Variants in CSMD3 observed in about 807,000 individuals in gnomAD.
The protein encoded by CSMD3 is CUB and Sushi multiple domains 3.
Under a neutral mutation model 435.2 loss-of-function variants are expected in CSMD3, and 177 were observed. The observed-to-expected ratio is 0.41, with a 90% CI of 0.36 to 0.46. The LOEUF (loss-of-function observed/expected upper bound fraction) is 0.46. Among genes scored for constraint, CSMD3 ranks in the 20% least tolerant of loss-of-function variants. The pLI is 0.34. For missense variants in CSMD3, 4,265 were observed against 4,504.6 expected, an observed-to-expected ratio of 0.95 and a Z score of 1.52; for synonymous variants, 1,656 against 1,520.5, an observed-to-expected ratio of 1.09 and a Z score of -2.07.
chr8:112,437,183 A>T (rs1814452475), intron 32 of CSMD3, among the ~76,000 whole-genome samples: 1 of 152,078 alleles, frequency 6.6e-6, no homozygotes, highest in Admixed American at 6.6e-5. Flanking sequence ...TAAAATCAAC[A>T]GTTGAAAGCA....
At chr8:113,271,187 G>T (rs187761906) in intron 3 of CSMD3, among the ~76,000 whole-genome samples, 20 of 152,178 alleles carry the variant, frequency 1.3e-4, no homozygotes, top group Admixed American at 1.3e-3. Context: ...GCCTGATGAC[G>T]CAGTAGAAAA....
chr8:113,232,476 G>A (rs1035548525), intron 3 of CSMD3, among the ~76,000 whole-genome samples: 7 of 151,520 alleles, frequency 4.6e-5, no homozygotes, highest in African/African-American at 1.7e-4. Context: ...AATTCTAAGG[G>A]GAAGCCTAAT....
chr8:112,377,139 G>A (rs780308321), intron 38 of CSMD3, among the ~76,000 whole-genome samples: 7 of 151,330 alleles, frequency 4.6e-5, no homozygotes, highest in Non-Finnish European at 7.4e-5. Context: ...TTGCTTTTTC[G>A]CAATTTAAAA....
At chr8:112,441,109 A>G (rs1290050325) in intron 32 of CSMD3, among the ~76,000 whole-genome samples, 1 of 152,150 alleles carries the variant, frequency 6.6e-6, no homozygotes, top group Non-Finnish European at 1.5e-5. Context: ...TTCCCCTTGA[A>G]TGCTTTGCTG....
chr8:113,414,652 A>AG (rs2094574120), intron 1 of CSMD3, among the ~76,000 whole-genome samples: 1 of 47,282 alleles, frequency 2.1e-5, no homozygotes, highest in Non-Finnish European at 4.3e-5. Context: ...GCCCAAATAC[A>AG]AAAAAAAAAA....
intron 9 of CSMD3, among the ~76,000 whole-genome samples, chr8:112,940,717 A>C (rs1261594011): frequency 6.6e-6 from 1 of 151,822 alleles, no homozygotes; most frequent in East Asian, 1.9e-4. Context: ...ATAACAAGTA[A>C]GATACCTTAC....
chr8:112,998,527 C>T (rs1240479447), intron 6 of CSMD3, among the ~76,000 whole-genome samples: 1 of 151,920 alleles, frequency 6.6e-6, no homozygotes, highest in Non-Finnish European at 1.5e-5. Flanking sequence ...CTTCTCTTCC[C>T]TCTTCACTAA....
At chr8:112,495,997 A>T (rs1821295174) in intron 30 of CSMD3, among the ~76,000 whole-genome samples, 1 of 151,630 alleles carries the variant, frequency 6.6e-6, no homozygotes, top group Middle Eastern at 3.5e-3. Flanking sequence ...TTACGTCTTA[A>T]TTTTTTTTGT....
At chr8:112,297,088 C>A (rs1820366333) in intron 53 of CSMD3, among the ~76,000 whole-genome samples, 2 of 149,234 alleles carry the variant, frequency 1.3e-5, no homozygotes, top group African/African-American at 4.9e-5. Flanking sequence ...TATGTGAATT[C>A]TTAAACAAAA....
intron 32 of CSMD3, among the ~76,000 whole-genome samples, chr8:112,424,881 G>A (rs940162288): frequency 2.0e-5 from 3 of 152,050 alleles, no homozygotes; most frequent in African/African-American, 7.2e-5. Context: ...CAGTAGAGAC[G>A]GGGTTTCACC....
In CSMD3 at chr8:113,058,548, C is replaced by G. The variant is rs192944727; in HGVS notation, c.918-39369G>C. Among the ~76,000 whole-genome samples the G allele has an allele frequency of 4.0e-5, 6 of 151,710 alleles. No homozygotes were observed. In the East Asian group the frequency reaches 5.8e-4, roughly 15 times the overall value. ...TATTGATACATGACATGGAATAAGT[C>G]AATTTATTCATTAGCATTCCAATTT... On this transcript the variant is annotated intron_variant, in intron 5 of 70. Coordinates refer to ENST00000297405, the MANE Select transcript of CSMD3 (RefSeq NM_198123.2).
At chr8:112,385,595 G>C (rs1040360717) in intron 36 of CSMD3, among the ~76,000 whole-genome samples, 1 of 152,148 alleles carries the variant, frequency 6.6e-6, no homozygotes, top group Non-Finnish European at 1.5e-5. Flanking sequence ...ATTTCAATAT[G>C]TATTGCAGTA....
At chr8:112,673,319 A>C (rs920296979) in intron 16 of CSMD3, among the ~76,000 whole-genome samples, 3 of 152,054 alleles carry the variant, frequency 2.0e-5, no homozygotes, top group African/African-American at 7.2e-5. Flanking sequence ...GAAAGACAGA[A>C]ACATGGTAAT....
At chr8:112,391,123 C>T (rs1171570204) in intron 35 of CSMD3, among the ~76,000 whole-genome samples, 2 of 151,972 alleles carry the variant, frequency 1.3e-5, no homozygotes, top group African/African-American at 2.4e-5. Flanking sequence ...AAAATTGTCT[C>T]GAATTTTTAA....
intron 5 of CSMD3, among the ~76,000 whole-genome samples, chr8:113,028,190 T>C (rs2127689): frequency 0.68 from 103,527 of 151,956 alleles, 37,099 homozygotes; most frequent in East Asian, 0.95. Context: ...GTTATGGTGA[T>C]GTATAAACAA....
At chr8:112,230,559 C>A (rs956061779) in intron 69 of CSMD3, among the ~76,000 whole-genome samples, 1 of 152,018 alleles carries the variant, frequency 6.6e-6, no homozygotes. Context: ...GAGGCCAAGG[C>A]GGGCGGATCA....
intron 1 of CSMD3, among the ~76,000 whole-genome samples, chr8:113,319,033 T>A (rs1187984945): frequency 1.3e-5 from 2 of 151,988 alleles, no homozygotes; most frequent in Non-Finnish European, 2.9e-5. Flanking sequence ...TTTTACATGG[T>A]GGTTCTTGTA....
At chr8:113,305,898 T>C (rs78537775) in intron 2 of CSMD3, among the ~76,000 whole-genome samples, 2,030 of 152,320 alleles carry the variant, frequency 0.013, 52 homozygotes, top group African/African-American at 0.047. Flanking sequence ...AAGTCTTTTG[T>C]AAATTAAAGT....
At chr8:112,753,940 A>G (rs2077632028) in intron 13 of CSMD3, among the ~76,000 whole-genome samples, 1 of 151,942 alleles carries the variant, frequency 6.6e-6, no homozygotes, top group African/African-American at 2.4e-5. Context: ...AATTGCCAAA[A>G]TTTATCTTGA....
Sources: allele counts gnomAD v4.1 joint callset (sites outside exome capture counted in the v4.1 genomes callset), GRCh38; gene constraint gnomAD v4.1.1; transcripts MANE v1.5; gene names NCBI Gene and HGNC (gene_info 2026-07-23, HGNC 2026-07-21).